The following SULF1 variants were observed in gnomAD, a reference collection of about 807,000 sequenced individuals.
SULF1 encodes the protein extracellular sulfatase Sulf-1.
In SULF1, 46 loss-of-function variants were observed where a neutral mutation model predicts 110.5. That is an observed-to-expected ratio of 0.42 (90% CI 0.33 to 0.53). The LOEUF is 0.53. Ranked by LOEUF, SULF1 falls within the 20% of genes least tolerant of loss-of-function variation. SULF1 has a pLI of 0.12. For synonymous variants in SULF1, 371 were observed against 387.1 expected (o/e 0.96, Z 0.49); for missense variants, 941 against 1,094.2 (o/e 0.86, Z 1.98).
intron 3 of SULF1, among the ~76,000 whole-genome samples, chr8:69,532,162 C>T (rs1411768961): frequency 6.6e-6 from 1 of 152,146 alleles, no homozygotes; most frequent in Non-Finnish European, 1.5e-5. Flanking sequence ...AAGTAGCATA[C>T]CCATTTAAAT....
intron 2 of SULF1, among the ~76,000 whole-genome samples, chr8:69,497,133 C>T (rs1190917562): frequency 6.7e-6 from 1 of 150,154 alleles, no homozygotes; most frequent in African/African-American, 2.4e-5. Flanking sequence ...GTGACGGAAG[C>T]TAAAACAGAA....
chr8:69,568,001 A>T (rs1816020581), intron 5 of SULF1, among the ~76,000 whole-genome samples: 1 of 152,024 alleles, frequency 6.6e-6, no homozygotes, highest in Non-Finnish European at 1.5e-5. Context: ...CACACTTGTT[A>T]TTTTCTGGTT....
intron 3 of SULF1, among the ~76,000 whole-genome samples, chr8:69,507,866 AT>A (rs1437776481): frequency 6.6e-6 from 1 of 152,166 alleles, no homozygotes; most frequent in Admixed American, 6.5e-5. Context: ...TTGTTTTATG[AT>A]TTTGCTCTCA....
At chr8:69,533,175 T>C (rs549829093) in intron 3 of SULF1, among the ~76,000 whole-genome samples, 1 of 152,314 alleles carries the variant, frequency 6.6e-6, no homozygotes, top group African/African-American at 2.4e-5. Context: ...TGGAAAATGG[T>C]AAAACCTAAC....
At chr8:69,589,655 T>TA (rs1364992060) in intron 8 of SULF1, among the ~76,000 whole-genome samples, 3 of 151,214 alleles carry the variant, frequency 2.0e-5, no homozygotes, top group African/African-American at 7.3e-5. Flanking sequence ...GTCACAGCTT[T>TA]AAAATAACCT....
At chr8:69,528,544 G>A (rs559372088) in intron 3 of SULF1, among the ~76,000 whole-genome samples, 1 of 152,250 alleles carries the variant, frequency 6.6e-6, no homozygotes, top group East Asian at 1.9e-4. Flanking sequence ...TTATGTACTG[G>A]TAAACTCTGA....
chr8:69,556,866 A>T (rs1202375001), intron 3 of SULF1, among the ~76,000 whole-genome samples: 2 of 152,028 alleles, frequency 1.3e-5, no homozygotes, highest in Admixed American at 6.6e-5. Flanking sequence ...CCCATTATCT[A>T]GGTATTAAGC....
chr8:69,471,522 T>A (rs532556479), intron 1 of SULF1, among the ~76,000 whole-genome samples: 25 of 152,320 alleles, frequency 1.6e-4, no homozygotes, highest in African/African-American at 5.1e-4. Context: ...AAAATCCCTA[T>A]GAAGTTCAGC....
intron 3 of SULF1, among the ~76,000 whole-genome samples, chr8:69,557,930 A>G (rs1202763037): frequency 6.6e-6 from 1 of 152,146 alleles, no homozygotes; most frequent in Non-Finnish European, 1.5e-5. Flanking sequence ...GAGGAGAATA[A>G]AAGTGTTACT....
At chr8:69,567,712 C>G (rs1261787136) in intron 5 of SULF1, among the ~76,000 whole-genome samples, 4 of 151,974 alleles carry the variant, frequency 2.6e-5, no homozygotes, top group African/African-American at 7.3e-5. Context: ...ATATATGTAC[C>G]ACATTTTTTT....
At chr8:69,615,641 T>C (rs1268191980) in intron 13 of SULF1, among the ~76,000 whole-genome samples, 1 of 152,124 alleles carries the variant, frequency 6.6e-6, no homozygotes, top group Non-Finnish European at 1.5e-5. Context: ...TATGCATATA[T>C]GTATGTATAT....
At chr8:69,469,471 G>T (rs1019634184) in intron 1 of SULF1, 1 of 152,196 alleles carries the variant, frequency 6.6e-6, no homozygotes, top group Non-Finnish European at 1.5e-5. Flanking sequence ...TTTTATGGTG[G>T]TGTGCAATAC....
intron 22 of SULF1, among the ~76,000 whole-genome samples, chr8:69,646,005 A>G (rs1362297598): frequency 1.3e-5 from 2 of 152,182 alleles, no homozygotes; most frequent in East Asian, 3.8e-4. Context: ...ACTATTTTCT[A>G]AGCTAAAATG....
At chr8:69,484,831 T>TTCC (rs1586201996) in intron 1 of SULF1, among the ~76,000 whole-genome samples, 1 of 95,362 alleles carries the variant, frequency 1.0e-5, no homozygotes, top group African/African-American at 5.8e-5. Context: ...CTTCCTCTTC[T>TTCC]TCTTCTTCTT....
At chr8:69,471,794 C>T (rs1809095132) in intron 1 of SULF1, among the ~76,000 whole-genome samples, 1 of 152,152 alleles carries the variant, frequency 6.6e-6, no homozygotes, top group South Asian at 2.1e-4. Flanking sequence ...CAGTGCATAT[C>T]CAATATTGTA....
At chr8:69,566,422 C>T (rs1349949529) in intron 5 of SULF1, among the ~76,000 whole-genome samples, 1 of 152,140 alleles carries the variant, frequency 6.6e-6, no homozygotes, top group Non-Finnish European at 1.5e-5. Context: ...TGAGCAGTTA[C>T]CAAGTATTGC....
chr8:69,627,700 G>C (rs1373534644), intron 16 of SULF1, 72 bp from the exon 17 acceptor site: 1 of 1,001,546 alleles, frequency 1.0e-6, no homozygotes, highest in East Asian at 2.4e-5. Context: ...GAGAAAACAA[G>C]GTGAAAAGAA....
chr8:69,514,694 T>C (rs933623459), intron 3 of SULF1, among the ~76,000 whole-genome samples: 1 of 152,162 alleles, frequency 6.6e-6, no homozygotes, highest in African/African-American at 2.4e-5. Flanking sequence ...CTGCCTATGA[T>C]CCTGTAAAAT....
intron 22 of SULF1, among the ~76,000 whole-genome samples, chr8:69,647,649 C>T (rs1000276204): frequency 3.9e-5 from 6 of 152,024 alleles, no homozygotes; most frequent in East Asian, 2.0e-4. Context: ...CACCTGTAAT[C>T]GCAGCACTTT....
Sources: allele counts gnomAD v4.1 joint callset (sites outside exome capture counted in the v4.1 genomes callset), GRCh38; gene constraint gnomAD v4.1.1; transcripts MANE v1.5; gene names NCBI Gene and HGNC (gene_info 2026-07-23, HGNC 2026-07-21).